The following TNNI2 variants were observed in gnomAD, a reference collection of about 807,000 sequenced individuals.
TNNI2 encodes troponin I2, fast skeletal type, also known as troponin I, fast skeletal muscle.
Under a neutral mutation model 26.5 loss-of-function variants are expected in TNNI2, and 14 were observed. That is an observed-to-expected ratio of 0.53 (90% CI 0.35 to 0.83). The LOEUF (loss-of-function observed/expected upper bound fraction) is 0.83. Among genes scored for constraint, TNNI2 ranks in the 40% least tolerant of loss-of-function variants. TNNI2 has a pLI of 0.01. For missense variants in TNNI2, 205 were observed against 248.5 expected (o/e 0.82, Z 1.18); for synonymous variants, 126 against 97.6 (o/e 1.29, Z -1.71).
intron 3 of TNNI2, 137 bp from the exon 4 acceptor site, chr11:1,840,266 C>A (rs907977275): frequency 3.2e-6 from 5 of 1,549,332 alleles, no homozygotes; most frequent in Non-Finnish European, 4.4e-6. Flanking sequence ...CCCAGCCTGC[C>A]CATCATGGCC....
chr11:1,841,115 G>A lies in TNNI2; in HGVS notation c.361G>A (p.Ala121Thr). 1 of 1,613,282 alleles carries A rather than the reference G, an allele frequency of 6.2e-7. No individual in the cohort carries two copies. Among genetic ancestry groups the A allele is most frequent in the Non-Finnish European group, 8.5e-7 (1 of 1,179,982 alleles). Residue 121 changes from alanine (A) to threonine (T), a missense_variant, in exon 7 of 8, where the codon GCC becomes ACC. By Grantham distance (58) the Ala-to-Thr change is moderately conservative. Transcript: ENST00000381911. Reference protein sequence around the residue: ...PLRRVRMSADAMLKALLGSKH... With the variant: ...PLRRVRMSADTMLKALLGSKH... Reference sequence around the variant, plus strand: ...GCGGAGGGTGCGCATGTCGGCCGATGCCATGCTCAAGGCCCTGCTGGGCTC... The same window carrying A: ...GCGGAGGGTGCGCATGTCGGCCGATACCATGCTCAAGGCCCTGCTGGGCTC...
chr11:1,840,931 C>A, intron 6 of TNNI2, 23 bp downstream of exon 6: 1 of 1,606,736 alleles, frequency 6.2e-7, no homozygotes, highest in Non-Finnish European at 8.5e-7. Context: ...GGCGGGCCGG[C>A]GGCAGGCGGG....
chr11:1,841,647 C>A lies in TNNI2; in HGVS notation c.*96C>A. 9.2e-7 allele frequency: 1 copy of A among 1,082,232 alleles called. No individual in the cohort carries two copies. The highest frequency in any genetic ancestry group is 1.4e-6 in the Non-Finnish European group (1 of 715,138). The allele number at this position is 1,082,232 out of a possible 1,614,324, so 67.0% of individuals were successfully genotyped here. On this transcript the variant is annotated 3_prime_UTR_variant, in exon 8 of 8. Transcript: ENST00000381911. ...AGCCTGCCAGGGAGGGCTGGCCTCA[C>A]CACCACCGTCAATAAAGGATTTGAA...
rs200110633 is a variant in TNNI2 at position 1,840,531 on chromosome 11, G to A, written c.61G>A (p.Val21Met). 1.9e-4 allele frequency: 308 copies of A among 1,612,068 alleles called. 1 individual carries two copies. Among genetic ancestry groups the A allele is most frequent in the Non-Finnish European group, 2.4e-4 (281 of 1,179,678 alleles). ...CTCACCGCCTGCCCCACCGCAGAGT[G>A]TGATGCTGCAGATAGCGGCCACGGA... ...ITARRQHLKS[V>M]MLQIAATELE... Residue 21 changes from valine to methionine, a missense_variant, in exon 5 of 8, where the codon GTG (valine) becomes ATG (methionine). Coordinates refer to ENST00000381911, the MANE Select transcript of TNNI2 (RefSeq NM_003282.4).
In TNNI2 at chr11:1,841,114, T is replaced by G; in HGVS notation, c.360T>G (p.Asp120Glu). The G allele has an allele frequency of 1.9e-6, 3 of 1,613,240 alleles. No homozygotes were observed. Among genetic ancestry groups the G allele is most frequent in the Non-Finnish European group, 2.5e-6 (3 of 1,179,966 alleles). ...PPLRRVRMSADAMLKALLGSK... is the reference protein window; with the variant it reads ...PPLRRVRMSAEAMLKALLGSK... ...TGCGGAGGGTGCGCATGTCGGCCGA[T>G]GCCATGCTCAAGGCCCTGCTGGGCT... Residue 120 changes from aspartate to glutamate, a missense_variant, in exon 7 of 8, where the codon GAT (aspartate) becomes GAG (glutamate). Transcript: ENST00000381911.
intron 6 of TNNI2, 26 bp downstream of exon 6, chr11:1,840,934 C>CAGGCGGGT (rs769923876): frequency 1.2e-6 from 2 of 1,606,112 alleles, no homozygotes; most frequent in Non-Finnish European, 1.7e-6. Flanking sequence ...GGGCCGGCGG[C>CAGGCGGGT]AGGCGGGTAG....
chr11:1,841,419 G>C, intron 7 of TNNI2, 37 bp from the exon 8 acceptor site: 2 of 1,608,532 alleles, frequency 1.2e-6, no homozygotes, highest in Non-Finnish European at 1.7e-6. Flanking sequence ...TGCATAAGTG[G>C]GTGAGCCTGA....
chr11:1,839,633 G>A, intron 1 of TNNI2, 42 bp from the exon 2 acceptor site: 1 of 1,611,184 alleles, frequency 6.2e-7, no homozygotes, highest in South Asian at 1.1e-5. Flanking sequence ...GCATCACGGT[G>A]GCAAGGGCCT....
At position 1,839,959 on chromosome 11, in the gene TNNI2, G is replaced by T. The variant is rs1847126235; in HGVS notation, c.15+104G>T. 9 of 1,538,828 alleles carry T rather than the reference G, an allele frequency of 5.8e-6. No individual in the cohort carries two copies. In the South Asian group the frequency reaches 1.1e-4, roughly 18 times the overall value. On this transcript the variant is annotated intron_variant, in intron 3 of 7. Coordinates refer to ENST00000381911, the MANE Select transcript of TNNI2 (RefSeq NM_003282.4). ...AAGGCCCTAAGGCCCAGAGAAGATG[G>T]CCTGGCCCTCCCCGCTGGCAAAAGT...
intron 3 of TNNI2, 47 bp downstream of exon 3, chr11:1,839,902 C>G: frequency 6.2e-7 from 1 of 1,612,752 alleles, no homozygotes; most frequent in African/African-American, 1.3e-5. Flanking sequence ...GGGGGCTCCC[C>G]CAACTCAGCA....
chr11:1,840,396 C>T lies in TNNI2; in HGVS notation c.16-7C>T, dbSNP rs1589795915. ...CCTGACTCGACCCCCTGTCCCCTGCCCTGCAGAAGCGGAACAGGGCCATCA... is the reference window on the plus strand; with the variant it reads ...CCTGACTCGACCCCCTGTCCCCTGCTCTGCAGAAGCGGAACAGGGCCATCA... On this transcript the variant is annotated splice_polypyrimidine_tract_variant and splice_region_variant and intron_variant, in intron 3 of 7. Coordinates refer to ENST00000381911, the MANE Select transcript of TNNI2 (RefSeq NM_003282.4). The T allele has an allele frequency of 6.2e-7, 1 of 1,608,778 alleles. No individual in the cohort carries two copies. The highest frequency in any genetic ancestry group is 1.3e-5 in the African/African-American group (1 of 74,904).
chr11:1,841,615 C>A lies in TNNI2; in HGVS notation c.*64C>A. 6.8e-7 allele frequency: 1 copy of A among 1,467,830 alleles called. No homozygotes were observed. The highest frequency in any genetic ancestry group is 9.5e-7 in the Non-Finnish European group (1 of 1,051,438). 90.9% of individuals were successfully genotyped at this position (1,467,830 alleles called of 1,614,324 possible). ...CCCAGCAGAACATACTAGGGAGATGCACCCAGAGCCTGCCAGGGAGGGCTG... is the reference window on the plus strand; with the variant it reads ...CCCAGCAGAACATACTAGGGAGATGAACCCAGAGCCTGCCAGGGAGGGCTG... On this transcript the variant is annotated 3_prime_UTR_variant, in exon 8 of 8. Transcript: ENST00000381911.
intron 3 of TNNI2, chr11:1,840,157 C>T: frequency 6.5e-7 from 1 of 1,543,808 alleles, no homozygotes; most frequent in Non-Finnish European, 8.8e-7. Context: ...TGGCCCTCCT[C>T]TCCCCCAGCC....
intron 7 of TNNI2, 101 bp from the exon 8 acceptor site, chr11:1,841,355 A>G: frequency 2.6e-6 from 4 of 1,518,984 alleles, no homozygotes; most frequent in South Asian, 1.1e-5. Flanking sequence ...GGGACACTCC[A>G]CTGCCCAATG....
chr11:1,840,056 G>A, intron 3 of TNNI2: 2 of 1,059,214 alleles, frequency 1.9e-6, no homozygotes, highest in Non-Finnish European at 1.4e-6. Flanking sequence ...GGCAGGGGAA[G>A]TGTGGCTGTG....
intron 5 of TNNI2, 29 bp downstream of exon 5, chr11:1,840,685 T>C (rs757953442): frequency 1.2e-6 from 2 of 1,612,216 alleles, no homozygotes; most frequent in African/African-American, 2.7e-5. Context: ...CCACCCCGCC[T>C]CCCCAGCAGC....
Position 1,841,021 on chromosome 11 carries a change from C to T in TNNI2, c.277-10C>T. The T allele has an allele frequency of 1.2e-6, 2 of 1,611,992 alleles. No individual in the cohort carries two copies. Among genetic ancestry groups the T allele is most frequent in the Non-Finnish European group, 1.7e-6 (2 of 1,179,428 alleles). ...GACCTCGGGCTCCCACCCGGCTCCCCTGCCCACAGCTGGAGGACATGAACC... is the reference window on the plus strand; with the variant it reads ...GACCTCGGGCTCCCACCCGGCTCCCTTGCCCACAGCTGGAGGACATGAACC... On this transcript the variant is annotated splice_polypyrimidine_tract_variant and intron_variant, in intron 6 of 7. Coordinates refer to ENST00000381911, the MANE Select transcript of TNNI2 (RefSeq NM_003282.4).
intron 1 of TNNI2, 26 bp from the exon 2 acceptor site, chr11:1,839,649 A>G: frequency 6.2e-7 from 1 of 1,613,014 alleles, no homozygotes; most frequent in Non-Finnish European, 8.5e-7. Flanking sequence ...GGCCTGGCCA[A>G]CACCTCTGTC....
chr11:1,839,973 G>C, intron 3 of TNNI2, 118 bp downstream of exon 3: 2 of 1,465,632 alleles, frequency 1.4e-6, no homozygotes, highest in Non-Finnish European at 1.8e-6. Context: ...GGCCCTCCCC[G>C]CTGGCAAAAG....
Sources: gnomAD v4.1 joint callset for allele counts on GRCh38, gnomAD v4.1.1 for gene constraint, MANE v1.5 for transcripts, NCBI Gene and HGNC (gene_info 2026-07-23, HGNC 2026-07-21) for gene names.